The following SPOCK1 variants were observed in gnomAD, a reference collection of about 807,000 sequenced individuals.
SPOCK1 encodes testican-1.
SPOCK1 carries 23 observed loss-of-function variants against 55.3 expected under a neutral mutation model. That is an observed-to-expected ratio of 0.42 (90% CI 0.30 to 0.59). SPOCK1 has a LOEUF of 0.59. SPOCK1 is among the 20% of genes least tolerant of loss of function. The probability of loss-of-function intolerance (pLI) is 0.22; values close to 1 mark genes in which losing one functional copy is unlikely to be tolerated. For synonymous variants in SPOCK1, 226 were observed against 221.0 expected, an observed-to-expected ratio of 1.02 and a Z score of -0.20; for missense variants, 499 against 552.5, an observed-to-expected ratio of 0.90 and a Z score of 0.97.
intron 2 of SPOCK1, among the ~76,000 whole-genome samples, chr5:137,468,221 C>T (rs1338255515): frequency 6.6e-6 from 1 of 152,116 alleles, no homozygotes; most frequent in Non-Finnish European, 1.5e-5. Context: ...TTAGTGACTC[C>T]TGCAGTTAAA....
rs536861361 is a variant in SPOCK1, at chr5:137,326,954, C to T, written c.187-59899G>A. 7.9e-5 allele frequency among the ~76,000 whole-genome samples: 12 copies of T among 152,290 alleles called. No individual in the cohort carries two copies. In the South Asian group the frequency reaches 2.5e-3, roughly 32 times the overall value. On this transcript the variant is annotated intron_variant, in intron 2 of 10. Transcript: ENST00000394945. ...TACTAAACCTCATTATTTCTGACAT[C>T]ATCCAAAAGAGCCTCACTCTGAATA... is the stretch of plus-strand genomic sequence containing the variant.
Position 137,469,243 on chromosome 5 carries a change from G to A in SPOCK1, c.186+29130C>T, listed in dbSNP as rs537195781. On this transcript the variant is annotated intron_variant, in intron 2 of 10. Transcript: ENST00000394945. ...ATACAAAGGATGTTAGGATTTCATT[G>A]CTTGCCCTCAAGGAACTTAACATTT... Among the ~76,000 whole-genome samples, 8 of 152,292 alleles carry A rather than the reference G, an allele frequency of 5.3e-5. No individual in the cohort carries two copies. In the South Asian group the frequency reaches 1.7e-3, roughly 32 times the overall value.
intron 4 of SPOCK1, among the ~76,000 whole-genome samples, chr5:137,130,697 T>C (rs745872230): frequency 2.0e-5 from 3 of 152,208 alleles, no homozygotes; most frequent in Non-Finnish European, 2.9e-5. Flanking sequence ...CAGGTCAATG[T>C]CACTGTTCCG....
At chr5:137,101,593 T>C (rs1026188116) in intron 5 of SPOCK1, among the ~76,000 whole-genome samples, 17 of 152,262 alleles carry the variant, frequency 1.1e-4, no homozygotes, top group African/African-American at 3.6e-4. Flanking sequence ...TTAGTTGAAT[T>C]GCTTCCTTCT....
intron 3 of SPOCK1, among the ~76,000 whole-genome samples, chr5:137,218,875 G>A (rs969996818): frequency 6.6e-6 from 1 of 152,138 alleles, no homozygotes; most frequent in African/African-American, 2.4e-5. Flanking sequence ...CTGGGCAGAG[G>A]CGGCATGGTG....
chr5:137,401,376 C>T (rs894766751), intron 2 of SPOCK1, among the ~76,000 whole-genome samples: 2 of 151,902 alleles, frequency 1.3e-5, no homozygotes, highest in Non-Finnish European at 2.9e-5. Flanking sequence ...CTTATTTAGT[C>T]CTCAGGTTGA....
chr5:137,071,203 A>G (rs1752606521), intron 5 of SPOCK1, among the ~76,000 whole-genome samples: 1 of 152,048 alleles, frequency 6.6e-6, no homozygotes, highest in African/African-American at 2.4e-5. Flanking sequence ...TACATTGCCC[A>G]GGCTGGTCTC....
chr5:137,087,544 G>A (rs1297588646), intron 5 of SPOCK1, among the ~76,000 whole-genome samples: 1 of 152,220 alleles, frequency 6.6e-6, no homozygotes, highest in Non-Finnish European at 1.5e-5. Flanking sequence ...CCTCCACGAG[G>A]TCTCTCACTC....
chr5:137,084,410 GA>G (rs1237463645), intron 5 of SPOCK1, among the ~76,000 whole-genome samples: 1 of 151,964 alleles, frequency 6.6e-6, no homozygotes, highest in East Asian at 1.9e-4. Context: ...CCATGGCATG[GA>G]TAACGTCTTT....
chr5:137,139,852 ATT>A (rs1754060687), intron 4 of SPOCK1, among the ~76,000 whole-genome samples: 1 of 152,150 alleles, frequency 6.6e-6, no homozygotes, highest in African/African-American at 2.4e-5. Flanking sequence ...TGCTTCAGGT[ATT>A]TTTGCAGGAC....
chr5:137,403,882 C>T (rs1752038399), intron 2 of SPOCK1, among the ~76,000 whole-genome samples: 1 of 151,956 alleles, frequency 6.6e-6, no homozygotes, highest in Non-Finnish European at 1.5e-5. Flanking sequence ...AAATGGGGGC[C>T]CATAGCAAGG....
intron 3 of SPOCK1, among the ~76,000 whole-genome samples, chr5:137,178,991 G>T (rs867354058): frequency 6.6e-6 from 1 of 152,228 alleles, no homozygotes; most frequent in Non-Finnish European, 1.5e-5. Flanking sequence ...ATGGTGTGTT[G>T]GGTAGGGAAT....
At chr5:137,456,176 G>C (rs1173128170) in intron 2 of SPOCK1, among the ~76,000 whole-genome samples, 1 of 152,164 alleles carries the variant, frequency 6.6e-6, no homozygotes, top group African/African-American at 2.4e-5. Context: ...GCCTGAATCT[G>C]AGAAACTTCT....
At chr5:137,082,994 A>C (rs74949816) in intron 5 of SPOCK1, among the ~76,000 whole-genome samples, 336 of 152,256 alleles carry the variant, frequency 2.2e-3, no homozygotes, top group African/African-American at 7.8e-3. Context: ...CATCTAACAT[A>C]ATCTGTGTTT....
intron 3 of SPOCK1, among the ~76,000 whole-genome samples, chr5:137,240,048 C>A (rs1175978915): frequency 6.6e-6 from 1 of 152,114 alleles, no homozygotes; most frequent in Non-Finnish European, 1.5e-5. Context: ...AGAGAAAATT[C>A]CATGTAAAAT....
intron 5 of SPOCK1, among the ~76,000 whole-genome samples, chr5:137,071,537 G>T (rs753328795): frequency 6.6e-6 from 1 of 152,078 alleles, no homozygotes; most frequent in Admixed American, 6.5e-5. Flanking sequence ...CTGTTACTAA[G>T]CTTGACAACT....
At chr5:137,356,832 T>TAGAGAGAGAG (rs1264084655) in intron 2 of SPOCK1, among the ~76,000 whole-genome samples, 16 of 10,182 alleles carry the variant, frequency 1.6e-3, no homozygotes, top group Non-Finnish European at 2.5e-3. Flanking sequence ...TATATATATA[T>TAGAGAGAGAG]ATATATAGAG....
chr5:137,167,174 C>T (rs1754664079), intron 3 of SPOCK1, among the ~76,000 whole-genome samples: 1 of 151,904 alleles, frequency 6.6e-6, no homozygotes, highest in Admixed American at 6.6e-5. Context: ...GCAATTCCTA[C>T]ATTAGGTGAA....
chr5:137,018,479 C>T (rs1475104187), intron 6 of SPOCK1, among the ~76,000 whole-genome samples: 6 of 152,150 alleles, frequency 3.9e-5, no homozygotes, highest in Non-Finnish European at 7.3e-5. Flanking sequence ...TCAGGTATCT[C>T]ATATAGTGAC....
Sources: allele counts gnomAD v4.1 joint callset (sites outside exome capture counted in the v4.1 genomes callset), GRCh38; gene constraint gnomAD v4.1.1; transcripts MANE v1.5; gene names NCBI Gene and HGNC (gene_info 2026-07-23, HGNC 2026-07-21).